CCDC15: variants seen among roughly 807,000 people sequenced by gnomAD.
The protein encoded by CCDC15 is coiled-coil domain-containing protein 15.
A neutral mutation model predicts 114.5 loss-of-function variants in CCDC15; 105 were observed. The observed-to-expected ratio is 0.92, with a 90% CI of 0.78 to 1.08. CCDC15 has a LOEUF of 1.08. Among genes scored for constraint, CCDC15 ranks in the 50% least tolerant of loss-of-function variants. The probability of loss-of-function intolerance (pLI) is 0.00; values close to 1 mark genes in which losing one functional copy is unlikely to be tolerated. For missense variants in CCDC15, 1,105 were observed against 1,093.6 expected (o/e 1.01, Z -0.15); for synonymous variants, 334 against 377.8 (o/e 0.88, Z 1.34).
rs778837817 is a variant in CCDC15, at chr11:125,003,850, C to T, written c.2215-17C>T. ...TTGGTAATTTTGTCACTTTGTGTGA[C>T]TGGACCTTCTTAACAGGCTTATGAT... is the stretch of plus-strand genomic sequence containing the variant. On this transcript the variant is annotated splice_polypyrimidine_tract_variant and intron_variant, in intron 11 of 15. Coordinates refer to ENST00000344762, the MANE Select transcript of CCDC15 (RefSeq NM_025004.3). 6.8e-6 allele frequency: 10 copies of T among 1,462,224 alleles called. No individual in the cohort carries two copies. The highest frequency in any genetic ancestry group is 8.3e-6 in the Non-Finnish European group (9 of 1,085,248). The allele number at this position is 1,462,224 out of a possible 1,614,324, so 90.6% of individuals were successfully genotyped here.
chr11:124,956,908 A>G (rs562821795), intron 2 of CCDC15, among the ~76,000 whole-genome samples: 5 of 152,262 alleles, frequency 3.3e-5, no homozygotes, highest in East Asian at 1.9e-4. Context: ...CTAAAGGGGA[A>G]CTTCTACTCA....
At chr11:124,977,393 A>G (rs980885058) in intron 5 of CCDC15, 85 bp from the exon 6 acceptor site, 2 of 1,265,962 alleles carry the variant, frequency 1.6e-6, no homozygotes, top group African/African-American at 3.1e-5. Flanking sequence ...AGATAATTTT[A>G]GATCTTTCAC....
At chr11:124,976,663 T>C (rs920225444) in intron 5 of CCDC15, among the ~76,000 whole-genome samples, 15 of 152,110 alleles carry the variant, frequency 9.9e-5, no homozygotes, top group African/African-American at 3.4e-4. Context: ...GAGATGGATA[T>C]TTATATTGCT....
At chr11:125,027,440 G>A (rs191348456) in intron 13 of CCDC15, among the ~76,000 whole-genome samples, 19 of 152,206 alleles carry the variant, frequency 1.2e-4, no homozygotes, top group Admixed American at 5.9e-4. Context: ...TCTTGCAGGA[G>A]TAAGGTGATA....
intron 2 of CCDC15, among the ~76,000 whole-genome samples, chr11:124,955,415 C>T (rs1473062541): frequency 6.6e-6 from 1 of 152,148 alleles, no homozygotes; most frequent in Non-Finnish European, 1.5e-5. Flanking sequence ...CTAGAAATTC[C>T]ATGGTTTCTG....
chr11:125,027,988 G>A (rs903201286), intron 13 of CCDC15, among the ~76,000 whole-genome samples: 1 of 152,130 alleles, frequency 6.6e-6, no homozygotes, highest in African/African-American at 2.4e-5. Flanking sequence ...TTACTGAACA[G>A]GGTGTCCTTA....
chr11:124,981,192 T>C (rs1410270131), intron 6 of CCDC15, among the ~76,000 whole-genome samples: 1 of 152,192 alleles, frequency 6.6e-6, no homozygotes, highest in African/African-American at 2.4e-5. Flanking sequence ...TATGGCTGAT[T>C]GTGTGGTTGA....
intron 4 of CCDC15, among the ~76,000 whole-genome samples, chr11:124,972,034 A>G (rs911232701): frequency 6.6e-6 from 1 of 152,210 alleles, no homozygotes; most frequent in Non-Finnish European, 1.5e-5. Flanking sequence ...CTATATAAAC[A>G]TTAGTCACAG....
At chr11:124,984,903 G>A (rs1948131544) in intron 6 of CCDC15, among the ~76,000 whole-genome samples, 1 of 152,072 alleles carries the variant, frequency 6.6e-6, no homozygotes, top group Non-Finnish European at 1.5e-5. Context: ...CAGTCTCTCG[G>A]TAGTAGATGT....
Position 124,987,423 on chromosome 11 carries a change from G to C in CCDC15, c.1197G>C (p.Glu399Asp), listed in dbSNP as rs1273753657. 3 of 1,613,972 alleles carry C rather than the reference G, an allele frequency of 1.9e-6. No homozygotes were observed. In the South Asian group the frequency reaches 3.3e-5, roughly 18 times the overall value. The change falls in exon 8 of 16, where the codon GAG becomes GAC. Residue 399 changes from glutamate (E) to aspartate (D), a missense_variant. Glu to Asp is a conservative substitution (Grantham distance 45). Transcript: ENST00000344762. ...QGIMLKAQSI[E>D]LEEGSIVLKT... ...TTATGCTGAAAGCCCAGAGTATTGA[G>C]CTAGAAGAAGGGAGTATTGTGTTGA... is the stretch of plus-strand genomic sequence containing the variant.
At chr11:125,037,941 T>C (rs1284972210) in intron 13 of CCDC15, 1 of 150,808 alleles carries the variant, frequency 6.6e-6, no homozygotes, top group Non-Finnish European at 1.5e-5. Flanking sequence ...TTTTGAGATA[T>C]GGGGTCTGGC....
intron 13 of CCDC15, among the ~76,000 whole-genome samples, chr11:125,033,772 C>T (rs1385597284): frequency 1.3e-5 from 2 of 152,154 alleles, no homozygotes; most frequent in Admixed American, 6.5e-5. Flanking sequence ...TTTTTTAACT[C>T]CCTGAGCTAC....
At chr11:124,966,572 C>T (rs1947787890) in intron 4 of CCDC15, among the ~76,000 whole-genome samples, 1 of 152,084 alleles carries the variant, frequency 6.6e-6, no homozygotes. Flanking sequence ...ATATAGCACA[C>T]TGATGGTCTT....
At chr11:124,957,333 T>A (rs1014234684) in intron 2 of CCDC15, among the ~76,000 whole-genome samples, 22 of 152,224 alleles carry the variant, frequency 1.4e-4, no homozygotes, top group African/African-American at 5.1e-4. Context: ...GATGGCTTTC[T>A]TATTCACATA....
At chr11:125,034,917 A>G (rs755086961) in intron 13 of CCDC15, among the ~76,000 whole-genome samples, 7 of 152,140 alleles carry the variant, frequency 4.6e-5, no homozygotes, top group Non-Finnish European at 1.0e-4. Flanking sequence ...ATAGTTATAT[A>G]TATATAAACT....
At chr11:125,014,692 A>G (rs1392641699) in intron 13 of CCDC15, among the ~76,000 whole-genome samples, 1 of 152,172 alleles carries the variant, frequency 6.6e-6, no homozygotes, top group East Asian at 1.9e-4. Context: ...AGTACCAGAT[A>G]GTGGCAAGGA....
chr11:124,967,650 T>C (rs1947807301), intron 4 of CCDC15, among the ~76,000 whole-genome samples: 1 of 152,240 alleles, frequency 6.6e-6, no homozygotes, highest in South Asian at 2.1e-4. Context: ...GTCAAAGTCA[T>C]TCTCCATCCA....
rs578222786 is a variant in CCDC15, at chr11:125,007,383, C to T, written c.2411+2171C>T. On this transcript the variant is annotated intron_variant, in intron 13 of 15. Transcript: ENST00000344762. Reference sequence around the variant, plus strand: ...TGATTTAACATAATGACTTCCAGTTCCATCTGTGTTGCAGCAAATGACAGG... The same window carrying T: ...TGATTTAACATAATGACTTCCAGTTTCATCTGTGTTGCAGCAAATGACAGG... Among the ~76,000 whole-genome samples, 3 of 152,288 alleles carry T rather than the reference C, an allele frequency of 2.0e-5. No homozygotes were observed. In the South Asian group the frequency reaches 6.2e-4, roughly 32 times the overall value.
At chr11:124,975,717 A>G (rs1464337075) in intron 5 of CCDC15, among the ~76,000 whole-genome samples, 1 of 152,188 alleles carries the variant, frequency 6.6e-6, no homozygotes, top group African/African-American at 2.4e-5. Flanking sequence ...TTCCATGTGC[A>G]TAGACAAAAG....
Sources: gnomAD v4.1 joint callset for allele counts (sites outside exome capture counted in the v4.1 genomes callset) on GRCh38, gnomAD v4.1.1 for gene constraint, MANE v1.5 for transcripts, NCBI Gene and HGNC (gene_info 2026-07-23, HGNC 2026-07-21) for gene names.